Variants in SPMAP2L observed in about 807,000 individuals in gnomAD.
SPMAP2L encodes the protein sperm microtubule associated protein 2-like.
At chr4:56,610,944 T>C in the SPMAP2L span, among the ~76,000 whole-genome samples, 1 of 152,170 alleles carries the variant, frequency 6.6e-6, no homozygotes, top group Non-Finnish European at 1.5e-5. Context: ...ATAACAAATG[T>C]TTGTGTGGAT....
At chr4:56,541,223 A>G in the SPMAP2L span, among the ~76,000 whole-genome samples, 6 of 152,216 alleles carry the variant, frequency 3.9e-5, no homozygotes, top group African/African-American at 1.4e-4. Flanking sequence ...CGACATTTAA[A>G]TGTTTTTGCC....
the SPMAP2L span, among the ~76,000 whole-genome samples, chr4:56,566,599 T>G: frequency 6.6e-6 from 1 of 152,124 alleles, no homozygotes; most frequent in Non-Finnish European, 1.5e-5. Context: ...ACTTTAGAAC[T>G]TATAATGTGC....
chr4:56,607,640 C>G, the SPMAP2L span, among the ~76,000 whole-genome samples: 1 of 152,000 alleles, frequency 6.6e-6, no homozygotes, highest in Non-Finnish European at 1.5e-5. Flanking sequence ...GTAGAGAAAC[C>G]TTCAATCTTC....
the SPMAP2L span, chr4:56,592,865 C>T: frequency 4.3e-6 from 7 of 1,609,404 alleles, no homozygotes; most frequent in Non-Finnish European, 5.9e-6. Flanking sequence ...GCACATCGGC[C>T]CTGGGGACAA....
the SPMAP2L span, among the ~76,000 whole-genome samples, chr4:56,543,375 G>C: frequency 6.7e-6 from 1 of 150,068 alleles, no homozygotes; most frequent in African/African-American, 2.4e-5. Context: ...GAGCCACCGC[G>C]CCCAGCCATG....
chr4:56,583,117 T>C, the SPMAP2L span, among the ~76,000 whole-genome samples: 1 of 151,920 alleles, frequency 6.6e-6, no homozygotes, highest in South Asian at 2.1e-4. Flanking sequence ...TACTAAAAAA[T>C]ACAAAAATTA....
chr4:56,567,584 C>T, the SPMAP2L span, among the ~76,000 whole-genome samples: 2 of 151,644 alleles, frequency 1.3e-5, no homozygotes, highest in Non-Finnish European at 2.9e-5. Flanking sequence ...CCACCATGCC[C>T]AGCTTATACT....
chr4:56,600,904 T>C, the SPMAP2L span: 1 of 1,518,872 alleles, frequency 6.6e-7, no homozygotes, highest in Non-Finnish European at 8.8e-7. Flanking sequence ...ATTTGGGATA[T>C]ATTTTTGTGT....
the SPMAP2L span, chr4:56,595,282 A>G: frequency 6.2e-7 from 1 of 1,612,920 alleles, no homozygotes. Context: ...GTCTGCAAAT[A>G]TTGAGGCAGT....
At chr4:56,569,856 A>C in the SPMAP2L span, among the ~76,000 whole-genome samples, 13 of 152,308 alleles carry the variant, frequency 8.5e-5, no homozygotes, top group Admixed American at 2.0e-4. Context: ...CTATTATACT[A>C]TCATGCCGGG....
the SPMAP2L span, among the ~76,000 whole-genome samples, chr4:56,623,369 G>T: frequency 1.3e-5 from 2 of 152,068 alleles, no homozygotes; most frequent in African/African-American, 4.8e-5. Context: ...TAAGCTTTTG[G>T]AACAAGGAGC....
the SPMAP2L span, among the ~76,000 whole-genome samples, chr4:56,621,819 A>G: frequency 2.0e-5 from 3 of 152,224 alleles, no homozygotes; most frequent in African/African-American, 4.8e-5. Context: ...AGTGGCTGCC[A>G]GGGCTGGAAA....
the SPMAP2L span, among the ~76,000 whole-genome samples, chr4:56,566,359 T>C: frequency 6.6e-6 from 1 of 151,560 alleles, no homozygotes; most frequent in Non-Finnish European, 1.5e-5. Flanking sequence ...CCACCACGCC[T>C]GGCTAATTTT....
the SPMAP2L span, among the ~76,000 whole-genome samples, chr4:56,602,001 G>A: frequency 1.9e-4 from 29 of 152,300 alleles, no homozygotes; most frequent in Admixed American, 3.9e-4. Context: ...TGGGGGCCTA[G>A]GGAATTGGGA....
At chr4:56,558,787 T>G in the SPMAP2L span, among the ~76,000 whole-genome samples, 1 of 152,236 alleles carries the variant, frequency 6.6e-6, no homozygotes, top group Admixed American at 6.5e-5. Flanking sequence ...TTTTTCATCC[T>G]TTTATGATGT....
At chr4:56,563,309 G>A in the SPMAP2L span, among the ~76,000 whole-genome samples, 2 of 147,902 alleles carry the variant, frequency 1.4e-5, no homozygotes, top group African/African-American at 2.5e-5. Context: ...TCACCATGAT[G>A]GCCAGGCTGG....
At chr4:56,543,520 C>G in the SPMAP2L span, among the ~76,000 whole-genome samples, 2 of 152,068 alleles carry the variant, frequency 1.3e-5, no homozygotes, top group Non-Finnish European at 2.9e-5. Flanking sequence ...GGCAAAACCC[C>G]TTCTATACTA....
chr4:56,582,875 A>T, the SPMAP2L span, among the ~76,000 whole-genome samples: 1 of 152,248 alleles, frequency 6.6e-6, no homozygotes, highest in South Asian at 2.1e-4. Flanking sequence ...ATGGAATATT[A>T]TTCAGCCATA....
the SPMAP2L span, among the ~76,000 whole-genome samples, chr4:56,536,018 G>C: frequency 6.6e-6 from 1 of 152,210 alleles, no homozygotes; most frequent in Non-Finnish European, 1.5e-5. Flanking sequence ...CGCAGTTCAC[G>C]ATAGGGTTTG....
Sources: gnomAD v4.1 joint callset for allele counts (sites outside exome capture counted in the v4.1 genomes callset) on GRCh38, gnomAD v4.1.1 for gene constraint, MANE v1.5 for transcripts, NCBI Gene and HGNC (gene_info 2026-07-23, HGNC 2026-07-21) for gene names.